Variants in GPC5 observed in about 807,000 individuals in gnomAD.
The protein encoded by GPC5 is glypican 5.
In GPC5, 47 loss-of-function variants were observed where a neutral mutation model predicts 53.9. That is an observed-to-expected ratio of 0.87 (90% CI 0.69 to 1.11). The LOEUF is 1.11. Among genes scored for constraint, GPC5 ranks in the 50% most tolerant of loss-of-function variants. The pLI is 0.00. For synonymous variants in GPC5, 286 were observed against 263.3 expected (o/e 1.09, Z -0.84); for missense variants, 748 against 713.1 (o/e 1.05, Z -0.56).
intron 7 of GPC5, among the ~76,000 whole-genome samples, chr13:92,504,099 G>A (rs886485943): frequency 7.2e-5 from 11 of 151,844 alleles, no homozygotes; most frequent in African/African-American, 1.7e-4. Flanking sequence ...GTTTACTCAC[G>A]TAAGATATAT....
At chr13:92,144,702 C>T (rs1054154765) in intron 6 of GPC5, 128 bp from the exon 7 acceptor site, 12 of 821,996 alleles carry the variant, frequency 1.5e-5, no homozygotes, top group Admixed American at 9.0e-5. Context: ...TTCTTAAAGA[C>T]TTGACTTGGT....
chr13:91,983,206 C>G (rs540936908), intron 6 of GPC5, among the ~76,000 whole-genome samples: 17 of 152,172 alleles, frequency 1.1e-4, no homozygotes, highest in African/African-American at 3.6e-4. Context: ...ATTAGCCGGG[C>G]GTACTGGCGG....
chr13:92,860,986 GTCTC>G (rs1452968019), intron 7 of GPC5, among the ~76,000 whole-genome samples: 1 of 151,942 alleles, frequency 6.6e-6, no homozygotes, highest in Non-Finnish European at 1.5e-5. Context: ...TAATGAGAGA[GTCTC>G]TACTCTCAAG....
chr13:92,833,000 C>T (rs1878100133), intron 7 of GPC5, among the ~76,000 whole-genome samples: 3 of 152,054 alleles, frequency 2.0e-5, no homozygotes, highest in East Asian at 3.9e-4. Flanking sequence ...AGTGAGACTG[C>T]GTCTCAAAAC....
At chr13:92,232,390 C>A (rs1047703606) in intron 7 of GPC5, among the ~76,000 whole-genome samples, 1 of 152,090 alleles carries the variant, frequency 6.6e-6, no homozygotes, top group Non-Finnish European at 1.5e-5. Flanking sequence ...ATATTACAAG[C>A]GTATTTTCTT....
intron 7 of GPC5, among the ~76,000 whole-genome samples, chr13:92,821,457 T>A (rs1027545517): frequency 1.3e-5 from 2 of 152,136 alleles, no homozygotes; most frequent in Admixed American, 6.5e-5. Context: ...GTCCTCTTTT[T>A]TCTGCTACTC....
At chr13:91,573,916 A>G (rs142946466) in intron 2 of GPC5, among the ~76,000 whole-genome samples, 13 of 152,264 alleles carry the variant, frequency 8.5e-5, no homozygotes, top group African/African-American at 3.1e-4. Flanking sequence ...CTATGTGTAT[A>G]TGTCTATCTA....
intron 2 of GPC5, among the ~76,000 whole-genome samples, chr13:91,665,516 C>CTTTTTT (rs1555335537): frequency 3.8e-5 from 4 of 106,590 alleles, no homozygotes; most frequent in East Asian, 3.0e-4. Flanking sequence ...TTTTTTTTTT[C>CTTTTTT]TTTTGAGACG....
intron 6 of GPC5, among the ~76,000 whole-genome samples, chr13:92,004,489 T>TATATATATATATATATATATATATAA (rs1440395882): frequency 5.7e-5 from 7 of 122,736 alleles, no homozygotes; most frequent in African/African-American, 2.4e-4. Context: ...TATATATATA[T>TATATATATATATATATATATATATAA]AATTACACTA....
intron 7 of GPC5, among the ~76,000 whole-genome samples, chr13:92,437,815 A>G (rs1566590267): frequency 6.6e-6 from 1 of 152,006 alleles, no homozygotes; most frequent in East Asian, 1.9e-4. Flanking sequence ...AGGAATTCCA[A>G]CTTCCTTCAG....
chr13:91,847,771 T>C (rs1019539893), intron 5 of GPC5, among the ~76,000 whole-genome samples: 11 of 152,208 alleles, frequency 7.2e-5, no homozygotes, highest in African/African-American at 2.7e-4. Flanking sequence ...TCCTGGTTAC[T>C]TGATCTCTGA....
chr13:92,583,924 C>G (rs1883449932), intron 7 of GPC5, among the ~76,000 whole-genome samples: 1 of 152,124 alleles, frequency 6.6e-6, no homozygotes, highest in African/African-American at 2.4e-5. Flanking sequence ...CTCTCTCTGC[C>G]TGCTGCCATC....
At chr13:92,650,095 T>G (rs543925418) in intron 7 of GPC5, among the ~76,000 whole-genome samples, 1 of 152,248 alleles carries the variant, frequency 6.6e-6, no homozygotes, top group Non-Finnish European at 1.5e-5. Context: ...TGTAGGTTAG[T>G]ATCATAGATT....
At chr13:92,223,165 G>A (rs1348348216) in intron 7 of GPC5, among the ~76,000 whole-genome samples, 1 of 152,052 alleles carries the variant, frequency 6.6e-6, no homozygotes, top group East Asian at 1.9e-4. Context: ...AATATTAATA[G>A]CATAAACGAG....
At chr13:92,238,291 A>G (rs780418444) in intron 7 of GPC5, among the ~76,000 whole-genome samples, 12 of 151,978 alleles carry the variant, frequency 7.9e-5, no homozygotes, top group Non-Finnish European at 1.5e-4. Flanking sequence ...GAGTAGCTTC[A>G]TCACTTTATA....
intron 7 of GPC5, among the ~76,000 whole-genome samples, chr13:92,463,605 A>AG (rs1457510319): frequency 8.0e-6 from 1 of 125,714 alleles, no homozygotes; most frequent in Non-Finnish European, 1.6e-5. Context: ...GTTTGGAGGA[A>AG]GATTTTTTTT....
chr13:92,531,628 C>T (rs1371086657), intron 7 of GPC5, among the ~76,000 whole-genome samples: 1 of 152,078 alleles, frequency 6.6e-6, no homozygotes, highest in Admixed American at 6.6e-5. Flanking sequence ...TTCCCCACAC[C>T]ACATGCTCTG....
chr13:92,715,611 A>ATGT (rs1888304393), intron 7 of GPC5, among the ~76,000 whole-genome samples: 1 of 152,188 alleles, frequency 6.6e-6, no homozygotes, highest in African/African-American at 2.4e-5. Flanking sequence ...CTGGACTTGG[A>ATGT]TGTTTATACT....
chr13:91,691,178 T>C (rs1002049134), intron 2 of GPC5, among the ~76,000 whole-genome samples: 15 of 152,170 alleles, frequency 9.9e-5, no homozygotes, highest in Non-Finnish European at 1.6e-4. Context: ...GTTATCATAG[T>C]GGAATGCTTG....
Sources: gnomAD v4.1 joint callset for allele counts (sites outside exome capture counted in the v4.1 genomes callset) on GRCh38, gnomAD v4.1.1 for gene constraint, MANE v1.5 for transcripts, NCBI Gene and HGNC (gene_info 2026-07-23, HGNC 2026-07-21) for gene names.